The following TRPC5 variants were observed in gnomAD, a reference collection of about 807,000 sequenced individuals.
TRPC5 encodes the protein transient receptor potential cation channel subfamily C member 5.
Under a neutral mutation model 56.5 loss-of-function variants are expected in TRPC5, and 9 were observed. The observed-to-expected ratio is 0.16, with a 90% CI of 0.10 to 0.28. TRPC5 has a LOEUF of 0.28. TRPC5 is among the 10% of genes least tolerant of loss of function. The probability of loss-of-function intolerance (pLI) is 1.00; values close to 1 mark genes in which losing one functional copy is unlikely to be tolerated. For synonymous variants in TRPC5, 282 were observed against 278.5 expected (o/e 1.01, Z -0.13); for missense variants, 469 against 748.9 (o/e 0.63, Z 4.36).
intron 1 of TRPC5, among the ~76,000 whole-genome samples, chrX:112,006,380 C>T (rs892112149): frequency 4.5e-5 from 5 of 111,522 alleles, no homozygotes; most frequent in African/African-American, 6.5e-5. Flanking sequence ...TACTAAGGGC[C>T]GGCCAGATAC....
intron 1 of TRPC5, among the ~76,000 whole-genome samples, chrX:112,007,170 C>A (rs1011190142): frequency 2.7e-5 from 3 of 111,199 alleles, no homozygotes; most frequent in Non-Finnish European, 3.8e-5. Context: ...CCTCTCTCAC[C>A]TCCCAACTTC....
chrX:111,855,225 ATTC>A (rs966887107), intron 3 of TRPC5, among the ~76,000 whole-genome samples: 4 of 111,792 alleles, frequency 3.6e-5, no homozygotes, highest in African/African-American at 9.8e-5. Context: ...CAGCACAACC[ATTC>A]TTCTTCTCCT....
At chrX:111,889,691 C>T (rs1248852728) in intron 3 of TRPC5, among the ~76,000 whole-genome samples, 6 of 111,480 alleles carry the variant, frequency 5.4e-5, no homozygotes, top group Non-Finnish European at 7.5e-5. Flanking sequence ...AAGTTCATGG[C>T]CAAGGGTAAA....
At chrX:111,893,184 T>C (rs1048887437) in intron 3 of TRPC5, among the ~76,000 whole-genome samples, 1 of 110,625 alleles carries the variant, frequency 9.0e-6, no homozygotes, top group Non-Finnish European at 1.9e-5. Context: ...CAACTTTTTT[T>C]CCCTCTCAGA....
intron 1 of TRPC5, among the ~76,000 whole-genome samples, chrX:111,997,206 C>T (rs1928560898): frequency 1.8e-5 from 2 of 111,394 alleles, no homozygotes; most frequent in Non-Finnish European, 3.8e-5. Flanking sequence ...AGTGACAAAA[C>T]CTCTCAGCAT....
intron 1 of TRPC5, among the ~76,000 whole-genome samples, chrX:111,966,310 C>T (rs748317744): frequency 8.0e-4 from 89 of 111,858 alleles, no homozygotes; most frequent in Non-Finnish European, 1.5e-3. Context: ...AGACCAATAA[C>T]AGGATCTGAA....
intron 7 of TRPC5, among the ~76,000 whole-genome samples, chrX:111,813,019 A>T (rs3027750): frequency 0.027 from 3,061 of 112,061 alleles, 92 homozygotes; most frequent in African/African-American, 0.095. Context: ...TCTGATAGAC[A>T]AATTGGACAT....
chrX:111,808,687 C>T (rs903550755), intron 7 of TRPC5, among the ~76,000 whole-genome samples: 7 of 109,407 alleles, frequency 6.4e-5, no homozygotes, highest in Admixed American at 2.0e-4. Flanking sequence ...CCCCTTTACT[C>T]TTCCCTCTCC....
At chrX:111,780,496 AAT>A (rs1439512039) in intron 9 of TRPC5, among the ~76,000 whole-genome samples, 1 of 110,705 alleles carries the variant, frequency 9.0e-6, no homozygotes, top group Non-Finnish European at 1.9e-5. Context: ...ATTTTAATAC[AAT>A]CATCCCTTGG....
chrX:111,811,643 C>T (rs1369298458), intron 7 of TRPC5, among the ~76,000 whole-genome samples: 1 of 111,525 alleles, frequency 9.0e-6, no homozygotes, highest in Non-Finnish European at 1.9e-5. Flanking sequence ...TCCTGTTCTA[C>T]TTACTAGCTA....
intron 2 of TRPC5, among the ~76,000 whole-genome samples, chrX:111,947,423 G>A (rs777820001): frequency 1.8e-5 from 2 of 111,238 alleles, no homozygotes; most frequent in Non-Finnish European, 3.8e-5. Flanking sequence ...TGCAACCTCC[G>A]CTTCCTGGGT....
intron 1 of TRPC5, among the ~76,000 whole-genome samples, chrX:111,962,986 T>A (rs1927429568): frequency 9.0e-6 from 1 of 111,353 alleles, no homozygotes; most frequent in Non-Finnish European, 1.9e-5. Flanking sequence ...AGCAGAACAG[T>A]GGGTGCAGCG....
intron 1 of TRPC5, among the ~76,000 whole-genome samples, chrX:111,961,489 T>C (rs1927379321): frequency 8.9e-6 from 1 of 112,002 alleles, no homozygotes; most frequent in Non-Finnish European, 1.9e-5. Flanking sequence ...GAGATTGAGA[T>C]AGTATGCTTT....
intron 1 of TRPC5, among the ~76,000 whole-genome samples, chrX:111,998,160 C>T (rs1417968348): frequency 8.9e-6 from 1 of 111,734 alleles, no homozygotes; most frequent in Non-Finnish European, 1.9e-5. Flanking sequence ...ATCCTGATGA[C>T]CTCAGTTTGA....
intron 3 of TRPC5, among the ~76,000 whole-genome samples, chrX:111,859,971 A>C (rs937790697): frequency 3.0e-4 from 34 of 113,028 alleles, no homozygotes; most frequent in Non-Finnish European, 5.3e-4. Context: ...TGCAGGGGCG[A>C]GATCTCAGCT....
rs1344578256 is a variant in TRPC5, at chrX:111,768,856, GTAC to G, written c.*7454_*7456del. 2.7e-5 allele frequency among the ~76,000 whole-genome samples: 3 copies of G among 111,243 alleles called. No individual in the cohort carries two copies. The highest frequency in any genetic ancestry group is 5.7e-5 in the Non-Finnish European group (3 of 52,987). On this transcript the variant is annotated 3_prime_UTR_variant, in exon 11 of 11. Transcript: ENST00000262839. ...AATTCTGGCTGCTTCTCCTGCCCAC[GTAC>G]ACTAAGCACAGTTATCACTGATTTA...
rs1186890080 is a variant in TRPC5 at position 111,772,936 on chromosome X, C to T, written c.*3377G>A. Among the ~76,000 whole-genome samples the T allele has an allele frequency of 9.0e-6, 1 of 111,121 alleles. No individual in the cohort carries two copies. The highest frequency in any genetic ancestry group is 9.7e-5 in the Admixed American group (1 of 10,287). ...TGGCCTCATATTTATCTCTAAAGTT[C>T]CCACTGAGGTTTTCAGATGAGGTTT... On this transcript the variant is annotated 3_prime_UTR_variant, in exon 11 of 11. Coordinates refer to ENST00000262839, the MANE Select transcript of TRPC5 (RefSeq NM_012471.3).
chrX:111,843,769 GTGTT>G (rs1922828325), intron 6 of TRPC5, among the ~76,000 whole-genome samples: 1 of 110,401 alleles, frequency 9.1e-6, no homozygotes, highest in African/African-American at 3.3e-5. Context: ...AAGTAGGAGA[GTGTT>G]TGGAGAGAAG....
intron 7 of TRPC5, among the ~76,000 whole-genome samples, chrX:111,833,109 C>A (rs1294247697): frequency 9.0e-6 from 1 of 111,370 alleles, no homozygotes; most frequent in African/African-American, 3.3e-5. Flanking sequence ...TAGGAGTGAA[C>A]ATAAATCATT....
Sources: allele counts gnomAD v4.1 joint callset (sites outside exome capture counted in the v4.1 genomes callset), GRCh38; gene constraint gnomAD v4.1.1; transcripts MANE v1.5; gene names NCBI Gene and HGNC (gene_info 2026-07-23, HGNC 2026-07-21).